ADAMTS19: variants seen among roughly 807,000 people sequenced by gnomAD.
The protein encoded by ADAMTS19 is ADAM metallopeptidase with thrombospondin type 1 motif 19, also known as A disintegrin and metalloproteinase with thrombospondin motifs 19.
A neutral mutation model predicts 153.3 loss-of-function variants in ADAMTS19; 93 were observed. The ratio of observed to expected loss-of-function variants is 0.61; its 90% confidence interval spans 0.51 to 0.72. ADAMTS19 has a LOEUF of 0.72. Among genes scored for constraint, ADAMTS19 ranks in the 30% least tolerant of loss-of-function variants. ADAMTS19 has a pLI of 0.00. For missense variants in ADAMTS19, 1,482 were observed against 1,552.1 expected (o/e 0.95, Z 0.76); for synonymous variants, 600 against 556.6 (o/e 1.08, Z -1.10).
intron 2 of ADAMTS19, among the ~76,000 whole-genome samples, chr5:129,507,978 A>T (rs920556951): frequency 5.9e-5 from 9 of 152,014 alleles, no homozygotes; most frequent in African/African-American, 1.7e-4. Context: ...CAAACAAATT[A>T]AAAAAAATTC....
At chr5:129,701,037 T>C (rs1239231252) in intron 19 of ADAMTS19, among the ~76,000 whole-genome samples, 1 of 152,048 alleles carries the variant, frequency 6.6e-6, no homozygotes, top group South Asian at 2.1e-4. Flanking sequence ...GATTCCCATG[T>C]CATGAGAGGG....
chr5:129,727,296 A>T (rs1167422923), intron 21 of ADAMTS19, among the ~76,000 whole-genome samples: 1 of 152,172 alleles, frequency 6.6e-6, no homozygotes, highest in Non-Finnish European at 1.5e-5. Flanking sequence ...TTATTTCACA[A>T]ATGTCCTGAT....
At chr5:129,709,337 A>T (rs1304429013) in intron 21 of ADAMTS19, among the ~76,000 whole-genome samples, 1 of 152,108 alleles carries the variant, frequency 6.6e-6, no homozygotes, top group African/African-American at 2.4e-5. Flanking sequence ...GCTGAAAAAA[A>T]ATATATTGAC....
Position 129,679,867 on chromosome 5 carries a change from C to A in ADAMTS19, c.2610C>A (p.Gly870=). The part of the protein sequence containing the change: ...AGTTVHYVRR[G]LWEKISAKGP... ...CTACCGTTCATTATGTAAGACGAGG[C>A]CTCTGGGAGAAGATCTCTGCCAAAG... The change falls in exon 17 of 23, where the codon GGC becomes GGA. Residue 870 remains glycine, a synonymous_variant. Transcript: ENST00000274487. 6.2e-7 allele frequency: 1 copy of A among 1,614,030 alleles called. No individual in the cohort carries two copies. The highest frequency in any genetic ancestry group is 8.5e-7 in the Non-Finnish European group (1 of 1,179,976).
intron 3 of ADAMTS19, among the ~76,000 whole-genome samples, chr5:129,519,222 A>C (rs2126744508): frequency 6.6e-6 from 1 of 152,124 alleles, no homozygotes; most frequent in South Asian, 2.1e-4. Flanking sequence ...TCCTTTCTTC[A>C]AGGCAGTGGG....
intron 10 of ADAMTS19, among the ~76,000 whole-genome samples, chr5:129,630,434 C>T (rs1752236254): frequency 6.6e-6 from 1 of 151,960 alleles, no homozygotes; most frequent in Non-Finnish European, 1.5e-5. Context: ...AGTGGAACAC[C>T]ATAGAGAGTC....
At chr5:129,514,628 A>G (rs1449136487) in intron 3 of ADAMTS19, among the ~76,000 whole-genome samples, 1 of 151,856 alleles carries the variant, frequency 6.6e-6, no homozygotes. Context: ...CTATTTTTTG[A>G]TTGGATTATG....
At chr5:129,653,677 T>G (rs2127054026) in intron 13 of ADAMTS19, among the ~76,000 whole-genome samples, 1 of 152,338 alleles carries the variant, frequency 6.6e-6, no homozygotes, top group East Asian at 1.9e-4. Flanking sequence ...ACAATATTTC[T>G]GTTGCATTGT....
At chr5:129,463,052 A>G (rs1207883478) in intron 2 of ADAMTS19, among the ~76,000 whole-genome samples, 1 of 152,266 alleles carries the variant, frequency 6.6e-6, no homozygotes, top group Non-Finnish European at 1.5e-5. Flanking sequence ...CATAATTGAA[A>G]AAAATTGGCA....
At chr5:129,704,492 G>C in intron 21 of ADAMTS19, 101 bp downstream of exon 21, 3 of 1,363,134 alleles carry the variant, frequency 2.2e-6, no homozygotes, top group Non-Finnish European at 3.0e-6. Context: ...GGGAAGGAGA[G>C]TAGAATTAAA....
At chr5:129,605,229 C>A (rs751251802) in intron 8 of ADAMTS19, among the ~76,000 whole-genome samples, 5 of 152,200 alleles carry the variant, frequency 3.3e-5, no homozygotes, top group African/African-American at 9.6e-5. Context: ...TTACTCAGAA[C>A]CTTCCAAGAG....
chr5:129,509,370 T>C, intron 3 of ADAMTS19, 128 bp downstream of exon 3: 1 of 842,622 alleles, frequency 1.2e-6, no homozygotes, highest in Non-Finnish European at 1.8e-6. Context: ...TAGTAACAAT[T>C]AAATGTATCA....
intron 13 of ADAMTS19, among the ~76,000 whole-genome samples, chr5:129,649,399 C>A (rs868840834): frequency 6.6e-6 from 1 of 152,212 alleles, no homozygotes; most frequent in Non-Finnish European, 1.5e-5. Flanking sequence ...ACTATTAATA[C>A]ATGCAACAAC....
rs554662672 is a variant in ADAMTS19 at position 129,689,918 on chromosome 5, A to C, written c.2819-4802A>C. On this transcript the variant is annotated intron_variant, in intron 18 of 22. Coordinates refer to ENST00000274487, the MANE Select transcript of ADAMTS19 (RefSeq NM_133638.6). ...ACTATTCATAACCTTGATTTTTAAT[A>C]CCTAAGCGATAATCCATGAACTGGA... Among the ~76,000 whole-genome samples, 55 of 152,316 alleles carry C rather than the reference A, an allele frequency of 3.6e-4. No homozygotes were observed. The South Asian group carries it at 4.8e-3, about 13-fold the overall frequency.
chr5:129,679,708 G>A (rs545355252), intron 16 of ADAMTS19, 56 bp from the exon 17 acceptor site: 238 of 1,381,454 alleles, frequency 1.7e-4, no homozygotes, highest in Non-Finnish European at 2.3e-4. Flanking sequence ...TGTAGTAGAT[G>A]TTGATCAATG....
Position 129,613,639 on chromosome 5 carries a change from A to G in ADAMTS19, c.1479-6979A>G, listed in dbSNP as rs80237329. 4.3e-3 allele frequency among the ~76,000 whole-genome samples: 660 copies of G among 152,324 alleles called. 4 individuals carry two copies. The highest frequency in any genetic ancestry group is 0.026 in the East Asian group (134 of 5,180). ...CAATTAAAAGAATTAGTGAAGCAAG[A>G]GCAAACACATTCAAAAGCTAGCAGA... On this transcript the variant is annotated intron_variant, in intron 8 of 22. Transcript: ENST00000274487.
At position 129,684,763 on chromosome 5, in the gene ADAMTS19, A is replaced by G. The variant is rs191718417; in HGVS notation, c.2818+490A>G. Among the ~76,000 whole-genome samples, 96 of 151,988 alleles carry G rather than the reference A, an allele frequency of 6.3e-4. No homozygotes were observed. The East Asian group carries it at 0.012, about 19-fold the overall frequency. ...AGCACTCTGGGAGGCCGAGGCGGGCAGATCACGAGGTCAGGAGATCAAGAC... is the reference window on the plus strand; with the variant it reads ...AGCACTCTGGGAGGCCGAGGCGGGCGGATCACGAGGTCAGGAGATCAAGAC... On this transcript the variant is annotated intron_variant, in intron 18 of 22. Coordinates refer to ENST00000274487, the MANE Select transcript of ADAMTS19 (RefSeq NM_133638.6).
At position 129,738,462 on chromosome 5, in the gene ADAMTS19, G is replaced by A. The variant is rs1353710717; in HGVS notation, c.*1244G>A. On this transcript the variant is annotated 3_prime_UTR_variant, in exon 23 of 23. Coordinates refer to ENST00000274487, the MANE Select transcript of ADAMTS19 (RefSeq NM_133638.6). The stretch of plus-strand genomic sequence containing the variant: ...AGTGAACTGCCTTGGAAGATAGTAT[G>A]TCTCTTGGGAGCAAAGGGCAAACAT... 6.6e-6 allele frequency: 1 copy of A among 152,028 alleles called. No homozygotes were observed. The highest frequency in any genetic ancestry group is 6.6e-5 in the Admixed American group (1 of 15,226). The allele number at this position is 152,028 out of a possible 1,614,324, so 9.4% of individuals were successfully genotyped here. A position where few individuals can be genotyped will look rare whatever the true frequency, so the allele number is the denominator to read the frequency against.
At chr5:129,489,907 A>G (rs1424668585) in intron 2 of ADAMTS19, among the ~76,000 whole-genome samples, 1 of 152,230 alleles carries the variant, frequency 6.6e-6, no homozygotes, top group Non-Finnish European at 1.5e-5. Flanking sequence ...TTTGTTAATT[A>G]AAATGAAAAT....
Sources: gnomAD v4.1 joint callset for allele counts (sites outside exome capture counted in the v4.1 genomes callset) on GRCh38, gnomAD v4.1.1 for gene constraint, MANE v1.5 for transcripts, NCBI Gene and HGNC (gene_info 2026-07-23, HGNC 2026-07-21) for gene names.